Variants in PATJ observed in about 807,000 individuals in gnomAD.
PATJ encodes PATJ crumbs cell polarity complex component, also known as inaD-like protein.
Under a neutral mutation model 224.9 loss-of-function variants are expected in PATJ, and 190 were observed. The observed-to-expected ratio is 0.84, with a 90% CI of 0.75 to 0.95. The LOEUF is 0.95. Ranked by LOEUF, PATJ falls within the 40% of genes least tolerant of loss-of-function variation. PATJ has a pLI of 0.00. For missense variants in PATJ, 2,121 were observed against 2,270.3 expected (o/e 0.93, Z 1.34); for synonymous variants, 769 against 820.3 (o/e 0.94, Z 1.07).
chr1:61,994,122 ATCT>A (rs1383272815), intron 28 of PATJ, among the ~76,000 whole-genome samples: 4 of 152,244 alleles, frequency 2.6e-5, no homozygotes, highest in African/African-American at 9.6e-5. Context: ...CTAATTATTT[ATCT>A]TCTTTAAGCC....
chr1:61,846,910 A>C (rs1662062152), intron 17 of PATJ, among the ~76,000 whole-genome samples: 1 of 152,154 alleles, frequency 6.6e-6, no homozygotes, highest in South Asian at 2.1e-4. Context: ...CAACTAATGT[A>C]ATTTTAGTGC....
intron 7 of PATJ, among the ~76,000 whole-genome samples, chr1:61,785,268 A>T (rs1648264855): frequency 6.6e-6 from 1 of 152,170 alleles, no homozygotes; most frequent in South Asian, 2.1e-4. Context: ...TCTTCATTTC[A>T]TTCAAACTTT....
chr1:61,894,601 A>G (rs539241555), intron 22 of PATJ, among the ~76,000 whole-genome samples: 9 of 152,278 alleles, frequency 5.9e-5, no homozygotes, highest in African/African-American at 1.7e-4. Flanking sequence ...TTCCACCATG[A>G]TTTTAAGTTT....
intron 42 of PATJ, among the ~76,000 whole-genome samples, chr1:62,152,336 G>T (rs1668709791): frequency 6.8e-6 from 1 of 146,416 alleles, no homozygotes; most frequent in African/African-American, 2.4e-5. Context: ...GCCTTAGGTG[G>T]AAGTGGCCAG....
rs943898307 is a variant in PATJ, at chr1:62,043,686, T to A, written c.4032+5637T>A. ...AATTGATAAAAATTGTATATATTTA[T>A]CATATACAACATGATGGGTTTTTTT... On this transcript the variant is annotated intron_variant, in intron 30 of 43. Transcript: ENST00000642238. Among the ~76,000 whole-genome samples, 9 of 151,924 alleles carry A rather than the reference T, an allele frequency of 5.9e-5. No individual in the cohort carries two copies. In the East Asian group the frequency reaches 1.7e-3, roughly 29 times the overall value.
At chr1:61,844,921 GC>G (rs548081360) in intron 17 of PATJ, among the ~76,000 whole-genome samples, 1 of 152,094 alleles carries the variant, frequency 6.6e-6, no homozygotes, top group African/African-American at 2.4e-5. Context: ...TTCCTGAGGT[GC>G]CCCCCAGCCA....
intron 22 of PATJ, among the ~76,000 whole-genome samples, chr1:61,898,612 G>A (rs2482875): frequency 0.24 from 36,711 of 151,918 alleles, 5,155 homozygotes; most frequent in African/African-American, 0.39. Context: ...TTACAACATC[G>A]GACTGATTTC....
chr1:61,938,404 C>A (rs1413433140), intron 27 of PATJ, among the ~76,000 whole-genome samples: 2 of 151,876 alleles, frequency 1.3e-5, no homozygotes, highest in Non-Finnish European at 2.9e-5. Flanking sequence ...AGAAACAAAA[C>A]AAAACAAAAC....
rs936825852 is a variant in PATJ, at chr1:61,819,649, T to G, written c.1684-3296T>G. ...GCGCGGGTGGGAAGGCAGCTCCAATTTGTAGCATGTACCAATATCTGTGGT... is the reference window on the plus strand; with the variant it reads ...GCGCGGGTGGGAAGGCAGCTCCAATGTGTAGCATGTACCAATATCTGTGGT... On this transcript the variant is annotated intron_variant, in intron 14 of 43. Transcript: ENST00000642238. Among the ~76,000 whole-genome samples, 3 of 152,176 alleles carry G rather than the reference T, an allele frequency of 2.0e-5. No individual in the cohort carries two copies. In the East Asian group the frequency reaches 5.8e-4, roughly 29 times the overall value.
intron 28 of PATJ, among the ~76,000 whole-genome samples, chr1:62,016,874 C>T (rs1440151979): frequency 6.6e-6 from 1 of 152,092 alleles, no homozygotes; most frequent in East Asian, 1.9e-4. Flanking sequence ...ATGGGCTCTC[C>T]AGAGCTCCAG....
In PATJ at chr1:62,086,228, A is replaced by ATGTGTGTGTGTGTGTGTGTG. The variant is rs145837024; in HGVS notation, c.4377+1595_4377+1596insGTGTGTGTGTGTGTGTGTGT. On this transcript the variant is annotated intron_variant, in intron 33 of 43. Coordinates refer to ENST00000642238, the MANE Select transcript of PATJ (RefSeq NM_001350145.3). The surrounding 1 kb of genome is among the most constrained non-coding windows in gnomAD (Gnocchi z 4.0). Reference sequence around the variant, plus strand: ...TACTCAAGATGTGATTAATTAATGCATGTGTGTGTGTGTGTATGTGTGTGT... The same window carrying ATGTGTGTGTGTGTGTGTGTG: ...TACTCAAGATGTGATTAATTAATGCATGTGTGTGTGTGTGTGTGTGTGTGTGTGTGTGTGTATGTGTGTGT... 0.01 allele frequency among the ~76,000 whole-genome samples: 1,548 copies of ATGTGTGTGTGTGTGTGTGTG among 150,318 alleles called. 29 individuals are homozygous for ATGTGTGTGTGTGTGTGTGTG. The highest frequency in any genetic ancestry group is 0.036 in the African/African-American group (1,434 of 40,302).
chr1:62,041,700 A>T (rs1021215320), intron 30 of PATJ, among the ~76,000 whole-genome samples: 4 of 152,196 alleles, frequency 2.6e-5, no homozygotes, highest in Non-Finnish European at 4.4e-5. Context: ...CAAGCAGGCT[A>T]GTATGTAAAA....
intron 7 of PATJ, among the ~76,000 whole-genome samples, chr1:61,778,211 TCGCTTTGTTTCCC>T (rs1647047774): frequency 6.6e-6 from 1 of 152,124 alleles, no homozygotes; most frequent in African/African-American, 2.4e-5. Context: ...AGAGACAGTC[TCGCTTTGTTTCCC>T]AGGCTGGTCT....
In PATJ at chr1:61,914,571, T is replaced by C; in HGVS notation, c.3493-16T>C. 2 of 1,355,748 alleles carry C rather than the reference T, an allele frequency of 1.5e-6. No homozygotes were observed. The highest frequency in any genetic ancestry group is 2.1e-6 in the Non-Finnish European group (2 of 973,134). 84.0% of individuals were successfully genotyped at this position (1,355,748 alleles called of 1,614,324 possible). On this transcript the variant is annotated splice_polypyrimidine_tract_variant and intron_variant, in intron 25 of 43. Transcript: ENST00000642238. ...TAAACGTTTTCTTCCCCCCACCCCT[T>C]TTTTTGTCACCATAGGTCATTCCTA...
intron 12 of PATJ, among the ~76,000 whole-genome samples, chr1:61,803,319 T>TA (rs1313275438): frequency 2.0e-5 from 3 of 152,202 alleles, no homozygotes; most frequent in Non-Finnish European, 4.4e-5. Context: ...ATTTTTTTTT[T>TA]ACTAATCAAA....
chr1:61,747,560 G>T (rs919555557), intron 1 of PATJ, among the ~76,000 whole-genome samples: 2 of 152,148 alleles, frequency 1.3e-5, no homozygotes, highest in East Asian at 3.9e-4. Flanking sequence ...CCTGCTTTTT[G>T]TTCCTCCCTT....
chr1:61,928,401 T>C (rs1675543192), intron 27 of PATJ, among the ~76,000 whole-genome samples: 1 of 152,208 alleles, frequency 6.6e-6, no homozygotes, highest in African/African-American at 2.4e-5. Flanking sequence ...TTGGAGGTGA[T>C]GAAATGTTCT....
At chr1:62,039,354 A>G (rs1472252417) in intron 30 of PATJ, among the ~76,000 whole-genome samples, 1 of 152,188 alleles carries the variant, frequency 6.6e-6, no homozygotes, top group Admixed American at 6.5e-5. Context: ...GAATTTTGCT[A>G]TATCCAATAA....
intron 41 of PATJ, among the ~76,000 whole-genome samples, chr1:62,139,957 A>C (rs2148993721): frequency 6.6e-6 from 1 of 152,054 alleles, no homozygotes. Flanking sequence ...TCAGGGTCTC[A>C]CCATGTTGCT....
Sources: gnomAD v4.1 joint callset for allele counts (sites outside exome capture counted in the v4.1 genomes callset) on GRCh38, gnomAD v4.1.1 for gene constraint, Gnocchi (gnomAD v3.1) non-coding constraint, MANE v1.5 for transcripts, NCBI Gene and HGNC (gene_info 2026-07-23, HGNC 2026-07-21) for gene names.